Variants in ARHGEF11 observed in about 807,000 individuals in gnomAD.
ARHGEF11 encodes Rho guanine exchange factor (GEF) 11.
Under a neutral mutation model 193.7 loss-of-function variants are expected in ARHGEF11, and 55 were observed. The observed-to-expected ratio is 0.28, with a 90% CI of 0.23 to 0.36. ARHGEF11 has a LOEUF of 0.36. ARHGEF11 is among the 10% of genes least tolerant of loss of function. The pLI, the probability that ARHGEF11 is intolerant of heterozygous loss-of-function variation, is 1.00. For missense variants in ARHGEF11, 1,723 were observed against 2,005.6 expected (o/e 0.86, Z 2.69); for synonymous variants, 693 against 768.0 (o/e 0.90, Z 1.62).
intron 6 of ARHGEF11, 81 bp downstream of exon 6, chr1:156,978,123 G>C (rs1663526976): frequency 1.3e-6 from 2 of 1,573,256 alleles, no homozygotes; most frequent in Non-Finnish European, 1.7e-6. Context: ...AGCCCCACTG[G>C]ATTTAACTTG....
chr1:156,935,884 C>T lies in ARHGEF11; in HGVS notation c.*116G>A. ...CCGGGCCTTGGCTGGATCCTAGTTT[C>T]CCTAACTGCCTCCTCCACAGGGAGG... On this transcript the variant is annotated 3_prime_UTR_variant, in exon 41 of 41. Coordinates refer to ENST00000368194, the MANE Select transcript of ARHGEF11 (RefSeq NM_198236.3). 1 of 1,231,362 alleles carries T rather than the reference C, an allele frequency of 8.1e-7. No homozygotes were observed. The highest frequency in any genetic ancestry group is 1.1e-6 in the Non-Finnish European group (1 of 889,208). The allele number at this position is 1,231,362 out of a possible 1,614,324, so 76.3% of individuals were successfully genotyped here.
In ARHGEF11 at chr1:156,936,937, A is replaced by G. The variant is rs1272876281; in HGVS notation, c.4509T>C (p.Pro1503=). ...LGGESSGGTT[P]VGSFHTEAAR... is the part of the protein sequence containing the mutation. The stretch of plus-strand genomic sequence containing the variant: ...CTGCTTCTGTGTGGAAACTGCCCAC[A>G]GGCGTGGTGCCACCAGATGACTCTC... Residue 1503 remains proline, a synonymous_variant, in exon 40 of 41, where the codon CCT becomes CCC. Transcript: ENST00000368194. 1 of 1,613,850 alleles carries G rather than the reference A, an allele frequency of 6.2e-7. No homozygotes were observed. Among genetic ancestry groups the G allele is most frequent in the Non-Finnish European group, 8.5e-7 (1 of 1,179,994 alleles).
intron 1 of ARHGEF11, among the ~76,000 whole-genome samples, chr1:157,038,141 C>T (rs1287828638): frequency 1.3e-5 from 2 of 151,538 alleles, no homozygotes; most frequent in Non-Finnish European, 2.9e-5. Context: ...CAAGTCCAAC[C>T]AACCGTCAAG....
chr1:156,941,103 C>G (rs1216474732), intron 35 of ARHGEF11, among the ~76,000 whole-genome samples: 1 of 103,072 alleles, frequency 9.7e-6, no homozygotes, highest in Non-Finnish European at 2.1e-5. Flanking sequence ...CCAGACTGCT[C>G]GTCTTCTTCC....
chr1:156,965,069 G>T (rs1429256465), intron 11 of ARHGEF11, among the ~76,000 whole-genome samples: 1 of 152,198 alleles, frequency 6.6e-6, no homozygotes, highest in African/African-American at 2.4e-5. Flanking sequence ...TTTATGGAAA[G>T]TATAGGTTTT....
In ARHGEF11 at chr1:156,941,580, G is replaced by A. The variant is rs530531362; in HGVS notation, c.3453-147C>T. 238 of 955,560 alleles carry A rather than the reference G, an allele frequency of 2.5e-4. 1 individual carries two copies. In the African/African-American group the frequency reaches 3.0e-3, roughly 12 times the overall value. The allele number at this position is 955,560 out of a possible 1,614,324, so 59.2% of individuals were successfully genotyped here. ...TGCTTGGCAACCCAGAGAGGAGGGG[G>A]GCTGCTAGCTGAGCTTCTCTGGTCC... On this transcript the variant is annotated intron_variant, in intron 34 of 40. Transcript: ENST00000368194.
At chr1:156,938,350 G>T in intron 38 of ARHGEF11, 68 bp downstream of exon 38, 1 of 1,457,448 alleles carries the variant, frequency 6.9e-7, no homozygotes, top group Non-Finnish European at 9.5e-7. Context: ...GCAGGGGTCC[G>T]ACTCTGCCCT....
At chr1:156,979,630 C>T (rs185740376) in intron 4 of ARHGEF11, among the ~76,000 whole-genome samples, 1 of 152,292 alleles carries the variant, frequency 6.6e-6, no homozygotes, top group African/African-American at 2.4e-5. Flanking sequence ...TCCCAAAGGG[C>T]TGGGATTACA....
intron 25 of ARHGEF11, 102 bp from the exon 26 acceptor site, chr1:156,947,552 G>A: frequency 7.1e-7 from 1 of 1,411,630 alleles, no homozygotes; most frequent in South Asian, 1.5e-5. Context: ...CTATTTTTGG[G>A]GGAACTGAAG....
At chr1:156,991,707 CTTA>C (rs1665734902) in intron 1 of ARHGEF11, among the ~76,000 whole-genome samples, 17 of 107,524 alleles carry the variant, frequency 1.6e-4, no homozygotes, top group African/African-American at 6.2e-4. Context: ...TTTTTTCAAG[CTTA>C]TTTTTTTTTT....
At position 157,034,158 on chromosome 1, in the gene ARHGEF11, G is replaced by T. The variant is rs375100740; in HGVS notation, c.32+10141C>A. Among the ~76,000 whole-genome samples, 5 of 152,296 alleles carry T rather than the reference G, an allele frequency of 3.3e-5. No individual in the cohort carries two copies. The East Asian group carries it at 7.7e-4, about 24-fold the overall frequency. ...TCTCCCTGGGGCTCTGAAGGGAAGA[G>T]GGTCTGTGGTTCTAGCTGCACACAA... On this transcript the variant is annotated intron_variant, in intron 1 of 40. Transcript: ENST00000368194.
intron 1 of ARHGEF11, among the ~76,000 whole-genome samples, chr1:157,007,515 A>T (rs531915849): frequency 4.3e-4 from 65 of 152,304 alleles, no homozygotes; most frequent in African/African-American, 1.5e-3. Flanking sequence ...CTGTGAAATC[A>T]TTAATTAGTG....
chr1:156,969,169 C>T (rs898274503), intron 10 of ARHGEF11, 113 bp downstream of exon 10: 25 of 836,374 alleles, frequency 3.0e-5, no homozygotes, highest in Middle Eastern at 3.5e-4. Flanking sequence ...GGAACTAGAA[C>T]GATGGAAGAG....
At chr1:156,996,665 C>A (rs907814670) in intron 1 of ARHGEF11, among the ~76,000 whole-genome samples, 3 of 147,108 alleles carry the variant, frequency 2.0e-5, no homozygotes, top group Non-Finnish European at 4.5e-5. Context: ...CCCAGCTACT[C>A]GGGAGGCTGA....
In ARHGEF11 at chr1:156,984,409, T is replaced by C; in HGVS notation, c.153A>G (p.Gln51=). The C allele has an allele frequency of 6.3e-7, 1 of 1,597,960 alleles. No individual in the cohort carries two copies. The highest frequency in any genetic ancestry group is 2.2e-5 in the East Asian group (1 of 44,562). ...TGAAGCCGAAGCCATGCTGGTCCTT[T>C]TGGATAATGACACAGCGTTGAACGA... ...TGLVQRCVII[Q]KDQHGFGFTV... is the part of the protein sequence containing the mutation. The change falls in exon 3 of 41, where the codon CAA becomes CAG. Residue 51 remains glutamine (Q), a synonymous_variant. Coordinates refer to ENST00000368194, the MANE Select transcript of ARHGEF11 (RefSeq NM_198236.3).
chr1:156,941,777 C>G, intron 34 of ARHGEF11, 87 bp downstream of exon 34: 1 of 1,510,844 alleles, frequency 6.6e-7, no homozygotes, highest in Non-Finnish European at 8.8e-7. Context: ...TGGCTGTCTA[C>G]CCACGGGGGC....
intron 1 of ARHGEF11, among the ~76,000 whole-genome samples, chr1:157,016,279 G>C (rs1167775495): frequency 6.6e-6 from 1 of 151,962 alleles, no homozygotes; most frequent in Non-Finnish European, 1.5e-5. Flanking sequence ...GTCTGCAGTG[G>C]CACGATCTTG....
intron 13 of ARHGEF11, 55 bp from the exon 14 acceptor site, chr1:156,961,830 G>T: frequency 6.6e-7 from 1 of 1,520,020 alleles, no homozygotes; most frequent in Non-Finnish European, 9.1e-7. Flanking sequence ...CAGTGATTTT[G>T]CCCCCTAGGG....
rs575410661 is a variant in ARHGEF11, at chr1:156,940,496, C to T, written c.3515-71G>A. On this transcript the variant is annotated intron_variant, in intron 35 of 40. Transcript: ENST00000368194. The stretch of plus-strand genomic sequence containing the variant: ...CACGTATGGGAGAGCCTATGGGCAG[C>T]TTTGGAGCCAAGGGGCTGGGAACAC... 1.3e-5 allele frequency: 18 copies of T among 1,416,498 alleles called. No individual in the cohort carries two copies. In the East Asian group the frequency reaches 4.0e-4, roughly 31 times the overall value. The allele number at this position is 1,416,498 out of a possible 1,614,324, so 87.7% of individuals were successfully genotyped here.
Sources: allele counts gnomAD v4.1 joint callset (sites outside exome capture counted in the v4.1 genomes callset), GRCh38; gene constraint gnomAD v4.1.1; transcripts MANE v1.5; gene names NCBI Gene and HGNC (gene_info 2026-07-23, HGNC 2026-07-21).